NPIPA5: variants seen among roughly 807,000 people sequenced by gnomAD.
NPIPA5 encodes the protein nuclear pore complex interacting protein family member A5, also known as nuclear pore complex-interacting protein family member A5.
A neutral mutation model predicts 21.4 loss-of-function variants in NPIPA5; 6 were observed. The observed-to-expected ratio is 0.28, with a 90% CI of 0.15 to 0.55. NPIPA5 has a LOEUF of 0.55. Among genes scored for constraint, NPIPA5 ranks in the 20% least tolerant of loss-of-function variants. The probability of loss-of-function intolerance (pLI) is 0.93; values close to 1 mark genes in which losing one functional copy is unlikely to be tolerated. For synonymous variants in NPIPA5, 33 were observed against 115.3 expected (o/e 0.29, Z 4.57); for missense variants, 99 against 318.2 (o/e 0.31, Z 5.24).
chr16:15,376,969 G>A (rs1359269476), intron 1 of NPIPA5, among the ~76,000 whole-genome samples: 2 of 152,034 alleles, frequency 1.3e-5, no homozygotes, highest in Non-Finnish European at 2.9e-5. Context: ...GTGAGACTCT[G>A]TCTAAAAAAC....
chr16:15,375,451 G>T (rs1413513821), intron 1 of NPIPA5, among the ~76,000 whole-genome samples: 1 of 150,686 alleles, frequency 6.6e-6, no homozygotes, highest in African/African-American at 2.4e-5. Context: ...TTCTTAAAAA[G>T]TAACAAGGTG....
chr16:15,380,521 C>T (rs1189895252), upstream of NPIPA5, among the ~76,000 whole-genome samples: 1 of 151,838 alleles, frequency 6.6e-6, no homozygotes, highest in Non-Finnish European at 1.5e-5. Flanking sequence ...CGAGGTTTTG[C>T]CATATTGGTC....
At chr16:15,374,341 G>A (rs192234) in intron 1 of NPIPA5, among the ~76,000 whole-genome samples, 28,787 of 151,044 alleles carry the variant, frequency 0.19, 3,506 homozygotes, top group East Asian at 0.53. Flanking sequence ...TGAGATTACC[G>A]GTCTCTGCCA....
intron 4 of NPIPA5, among the ~76,000 whole-genome samples, chr16:15,368,325 G>GCCTGCA (rs1312504389): frequency 6.6e-6 from 1 of 151,688 alleles, no homozygotes; most frequent in Non-Finnish European, 1.5e-5. Context: ...TAGGGACTGA[G>GCCTGCA]CCTGCACAGA....
intron 1 of NPIPA5, among the ~76,000 whole-genome samples, chr16:15,377,834 C>T (rs1003839815): frequency 2.8e-4 from 42 of 150,678 alleles, no homozygotes; most frequent in Middle Eastern, 3.4e-3. Context: ...ACAGGACAGG[C>T]GGGGCAAGGG....
At chr16:15,366,870 A>G in intron 4 of NPIPA5, 110 bp from the exon 5 acceptor site, 1 of 1,513,694 alleles carries the variant, frequency 6.6e-7, no homozygotes, top group Non-Finnish European at 8.8e-7. Context: ...CAACCTTCCC[A>G]CAAATGAACC....
upstream of NPIPA5, among the ~76,000 whole-genome samples, chr16:15,380,367 G>T (rs1447937556): frequency 1.3e-5 from 2 of 150,818 alleles, no homozygotes; most frequent in African/African-American, 4.9e-5. Flanking sequence ...CTGTCGTACA[G>T]TCTGGAGTGC....
chr16:15,367,267 A>G (rs1044120809), intron 4 of NPIPA5, among the ~76,000 whole-genome samples: 5 of 152,102 alleles, frequency 3.3e-5, no homozygotes, highest in African/African-American at 1.2e-4. Flanking sequence ...CTTCCAGAAT[A>G]TGGTGTCATT....
At chr16:15,376,593 T>TA (rs1289268018) in intron 1 of NPIPA5, among the ~76,000 whole-genome samples, 1 of 151,164 alleles carries the variant, frequency 6.6e-6, no homozygotes, top group Non-Finnish European at 1.5e-5. Flanking sequence ...CTGGTGTATG[T>TA]ACTTTCCAAA....
At chr16:15,377,799 G>A (rs1372552381) in intron 1 of NPIPA5, among the ~76,000 whole-genome samples, 1 of 150,618 alleles carries the variant, frequency 6.6e-6, no homozygotes, top group Non-Finnish European at 1.5e-5. Flanking sequence ...TTTAGCTACA[G>A]GTCACGGAGA....
At chr16:15,381,123 T>C (rs2050427944), upstream of NPIPA5, 4 of 1,533,254 alleles carry the variant, frequency 2.6e-6, no homozygotes, top group South Asian at 4.8e-5. Flanking sequence ...GTTGAATGAG[T>C]GGAAAAACAA....
chr16:15,367,002 A>G (rs1208100249), intron 4 of NPIPA5, among the ~76,000 whole-genome samples: 2 of 152,030 alleles, frequency 1.3e-5, no homozygotes, highest in Admixed American at 6.5e-5. Flanking sequence ...TTCCATAGTT[A>G]GTCCTATTCT....
At chr16:15,368,289 G>A (rs1007994459) in intron 4 of NPIPA5, among the ~76,000 whole-genome samples, 1 of 150,862 alleles carries the variant, frequency 6.6e-6, no homozygotes, top group African/African-American at 2.4e-5. Flanking sequence ...CAGAATAGAG[G>A]TGGACAGGAA....
upstream of NPIPA5, among the ~76,000 whole-genome samples, chr16:15,379,338 G>A (rs2050381448): frequency 6.6e-6 from 1 of 152,092 alleles, no homozygotes; most frequent in South Asian, 2.1e-4. Flanking sequence ...GGGAGGCCGA[G>A]GTGGGCGGAT....
chr16:15,380,433 C>T (rs1168720260), upstream of NPIPA5, among the ~76,000 whole-genome samples: 1 of 151,964 alleles, frequency 6.6e-6, no homozygotes, highest in African/African-American at 2.4e-5. Context: ...AGCAATTCTC[C>T]TGTCTCAGCC....
chr16:15,376,982 A>G (rs1255752628), intron 1 of NPIPA5, among the ~76,000 whole-genome samples: 1 of 152,038 alleles, frequency 6.6e-6, no homozygotes, highest in African/African-American at 2.4e-5. Context: ...TAAAAAACAA[A>G]CAAACAAAAA....
chr16:15,379,973 GTGTGTGTGTGTC>G (rs1028749054), upstream of NPIPA5, among the ~76,000 whole-genome samples: 7 of 148,914 alleles, frequency 4.7e-5, no homozygotes, highest in East Asian at 9.9e-4. Flanking sequence ...ATATATATGT[GTGTGTGTGTGTC>G]TGTGTGTGTG....
rs529419986 is a variant in NPIPA5 at position 15,372,478 on chromosome 16, C to G, written c.192+1237G>C. On this transcript the variant is annotated intron_variant, in intron 2 of 7. Coordinates refer to ENST00000360151, the MANE Select transcript of NPIPA5 (RefSeq NM_001277325.2). ...CCAGCCTGGGCAACAGAGGGAGACT[C>G]CTCTTGGGGGTGAGAAAAGAAAAAA... Among the ~76,000 whole-genome samples, 11 of 145,972 alleles carry G rather than the reference C, an allele frequency of 7.5e-5. 1 individual carries two copies. The South Asian group carries it at 2.5e-3, about 33-fold the overall frequency.
chr16:15,367,202 T>A (rs2049999441), intron 4 of NPIPA5, among the ~76,000 whole-genome samples: 1 of 152,132 alleles, frequency 6.6e-6, no homozygotes, highest in Non-Finnish European at 1.5e-5. Flanking sequence ...TGTGTGAGAC[T>A]GATTCTCAGT....
Sources: gnomAD v4.1 joint callset for allele counts (sites outside exome capture counted in the v4.1 genomes callset) on GRCh38, gnomAD v4.1.1 for gene constraint, MANE v1.5 for transcripts, NCBI Gene and HGNC (gene_info 2026-07-23, HGNC 2026-07-21) for gene names.